PGAP1: variants seen among roughly 807,000 people sequenced by gnomAD.
The protein encoded by PGAP1 is post-GPI attachment to proteins inositol deacylase 1.
Under a neutral mutation model 127.0 loss-of-function variants are expected in PGAP1, and 76 were observed. The ratio of observed to expected loss-of-function variants is 0.60; its 90% confidence interval spans 0.50 to 0.72. The LOEUF (loss-of-function observed/expected upper bound fraction) is 0.72. PGAP1 is among the 30% of genes least tolerant of loss of function. The pLI, the probability that PGAP1 is intolerant of heterozygous loss-of-function variation, is 0.00. For synonymous variants in PGAP1, 362 were observed against 366.5 expected (o/e 0.99, Z 0.14); for missense variants, 982 against 1,071.3 (o/e 0.92, Z 1.16).
intron 20 of PGAP1, among the ~76,000 whole-genome samples, chr2:196,853,910 AT>A (rs59361073): frequency 0.1 from 13,673 of 130,394 alleles, 747 homozygotes; most frequent in African/African-American, 0.2. Context: ...CCAAAGATGA[AT>A]TTTTTTTTTT....
At position 196,885,454 on chromosome 2, in the gene PGAP1, T is replaced by C; in HGVS notation, c.1242A>G (p.Ser414=). Residue 414 remains serine (S), a synonymous_variant, in exon 12 of 27, where the codon TCA becomes TCG. Transcript: ENST00000354764. ...TTGTTGGCAGCAGTTCAGCTTTCCA[T>C]GATAAATCAACCCCTTGCAGGCTTT... The part of the protein sequence containing the change: ...TSMCLQGVDL[S]WKAELLPTIK... 1 of 1,604,198 alleles carries C rather than the reference T, an allele frequency of 6.2e-7. No individual in the cohort carries two copies. The highest frequency in any genetic ancestry group is 8.5e-7 in the Non-Finnish European group (1 of 1,174,704).
Position 196,913,184 on chromosome 2 carries a change from A to C in PGAP1, c.478-131T>G, listed in dbSNP as rs114176130. ...ACTATTTATATAACCTCCCATCATA[A>C]GGTACAGAAATACATTTTCATATAG... On this transcript the variant is annotated intron_variant, in intron 3 of 26. Coordinates refer to ENST00000354764, the MANE Select transcript of PGAP1 (RefSeq NM_024989.4). 2.8e-3 allele frequency: 2,180 copies of C among 776,328 alleles called. 30 individuals are homozygous for C. The African/African-American group carries it at 0.035, about 12-fold the overall frequency. The allele number at this position is 776,328 out of a possible 1,614,324, so 48.1% of individuals were successfully genotyped here.
chr2:196,842,668 G>A, intron 26 of PGAP1, 53 bp downstream of exon 26: 2 of 841,012 alleles, frequency 2.4e-6, no homozygotes, highest in South Asian at 2.0e-5. Context: ...AGATATAAAG[G>A]GGGAAAAAGG....
intron 25 of PGAP1, among the ~76,000 whole-genome samples, chr2:196,843,590 G>A (rs547402261): frequency 4.4e-4 from 67 of 152,092 alleles, no homozygotes; most frequent in African/African-American, 1.4e-3. Flanking sequence ...TTATATTCCC[G>A]AAGTTTATAT....
In PGAP1 at chr2:196,851,879, T is replaced by C. The variant is rs117987925; in HGVS notation, c.1862-3842A>G. On this transcript the variant is annotated intron_variant, in intron 20 of 26. Coordinates refer to ENST00000354764, the MANE Select transcript of PGAP1 (RefSeq NM_024989.4). ...GGTTTAAAGACAAATGTCTTTGTGG[T>C]TTGAGGACCCGAGTTTCTACGGAAT... Among the ~76,000 whole-genome samples the C allele has an allele frequency of 3.5e-4, 53 of 152,312 alleles. No individual in the cohort carries two copies. In the East Asian group the frequency reaches 9.8e-3, roughly 28 times the overall value.
intron 4 of PGAP1, among the ~76,000 whole-genome samples, chr2:196,904,250 T>G (rs1172399466): frequency 6.6e-6 from 1 of 152,186 alleles, no homozygotes; most frequent in Non-Finnish European, 1.5e-5. Flanking sequence ...TTACTGTGCT[T>G]CTCTTCCCAT....
chr2:196,877,546 T>TTA (rs1188126005), intron 13 of PGAP1: 1 of 152,098 alleles, frequency 6.6e-6, no homozygotes, highest in Non-Finnish European at 1.5e-5. Flanking sequence ...TTGAGAAAAA[T>TTA]GTTAGATTCA....
chr2:196,916,279 G>T, intron 3 of PGAP1, 139 bp downstream of exon 3: 1 of 597,836 alleles, frequency 1.7e-6, no homozygotes, highest in Non-Finnish European at 2.6e-6. Context: ...CAAGACAACA[G>T]ACTCTCACAA....
intron 9 of PGAP1, 53 bp downstream of exon 9, chr2:196,892,293 C>A: frequency 1.2e-6 from 1 of 824,240 alleles, no homozygotes. Flanking sequence ...AAGATAAATA[C>A]TAAATTATTT....
Position 196,893,208 on chromosome 2 carries a change from T to TA in PGAP1, c.964dup (p.Tyr322LeufsTer13). On this transcript the variant is annotated frameshift_variant, in exon 8 of 27. Coordinates refer to ENST00000354764, the MANE Select transcript of PGAP1 (RefSeq NM_024989.4). LOFTEE classifies it high-confidence loss of function. ...TGATGGGTGTCTTATAAAGTGGTGA[T>TA]ACAAAACTGACAGTTTCTTCTTGGA... is the stretch of plus-strand genomic sequence containing the variant. The TA allele has an allele frequency of 6.3e-7, 1 of 1,598,860 alleles. No homozygotes were observed.
chr2:196,850,089 G>T (rs60066656), intron 20 of PGAP1, among the ~76,000 whole-genome samples: 17,172 of 152,096 alleles, frequency 0.11, 1,250 homozygotes, highest in African/African-American at 0.21. Context: ...GAGCCACAGG[G>T]TGGCAGTGGT....
chr2:196,923,462 T>C (rs746205112), intron 1 of PGAP1, among the ~76,000 whole-genome samples: 11 of 152,302 alleles, frequency 7.2e-5, no homozygotes, highest in Admixed American at 4.6e-4. Flanking sequence ...GTACATTATA[T>C]TGTAACTATA....
intron 1 of PGAP1, chr2:196,922,546 A>G (rs1703230005): frequency 2.0e-6 from 2 of 976,384 alleles, no homozygotes; most frequent in Non-Finnish European, 2.4e-6. Flanking sequence ...TCTATAATCC[A>G]TAGTTCATAC....
intron 22 of PGAP1, among the ~76,000 whole-genome samples, chr2:196,846,687 T>C (rs1398904786): frequency 1.3e-5 from 2 of 152,210 alleles, no homozygotes; most frequent in South Asian, 2.1e-4. Context: ...GAAGTCAGCA[T>C]ATAAAAGCAA....
chr2:196,842,418 A>G (rs1700440395), intron 26 of PGAP1, among the ~76,000 whole-genome samples: 1 of 152,160 alleles, frequency 6.6e-6, no homozygotes, highest in African/African-American at 2.4e-5. Flanking sequence ...AAAATTATCA[A>G]ATCATGGCCA....
chr2:196,872,963 G>T lies in PGAP1; in HGVS notation c.1616C>A (p.Ala539Glu). ...PWSYEDSLTI[A>E]QAPSSTEISL... Reference sequence around the variant, plus strand: ...GTAAATTCTTTCAAATACTTACTGTGCAATGGTTAGTGAATCTTCATAAGA... The same window carrying T: ...GTAAATTCTTTCAAATACTTACTGTTCAATGGTTAGTGAATCTTCATAAGA... Residue 539 changes from alanine (A) to glutamate (E), a missense_variant, in exon 17 of 27, where the codon GCA (alanine) becomes GAA (glutamate). Coordinates refer to ENST00000354764, the MANE Select transcript of PGAP1 (RefSeq NM_024989.4). 2 of 1,002,782 alleles carry T rather than the reference G, an allele frequency of 2.0e-6. No individual in the cohort carries two copies. The highest frequency in any genetic ancestry group is 3.0e-6 in the Non-Finnish European group (2 of 660,284). 62.1% of individuals were successfully genotyped at this position (1,002,782 alleles called of 1,614,324 possible). A position where few individuals can be genotyped will look rare whatever the true frequency, so the allele number is the denominator to read the frequency against.
At chr2:196,900,875 G>A (rs752381133) in intron 5 of PGAP1, among the ~76,000 whole-genome samples, 9 of 151,926 alleles carry the variant, frequency 5.9e-5, no homozygotes, top group South Asian at 2.1e-4. Context: ...TGCAGTGAGC[G>A]GAGATCGCGC....
At chr2:196,888,870 T>C (rs1702003841) in intron 10 of PGAP1, among the ~76,000 whole-genome samples, 1 of 152,134 alleles carries the variant, frequency 6.6e-6, no homozygotes, top group Admixed American at 6.6e-5. Flanking sequence ...ACTAATAAAA[T>C]GCCCAGAATT....
rs1700507138 is a variant in PGAP1, at chr2:196,844,587, A to G, written c.2287-13T>C. The G allele has an allele frequency of 1.3e-6, 2 of 1,573,640 alleles. No homozygotes were observed. The highest frequency in any genetic ancestry group is 1.2e-5 in the South Asian group (1 of 83,880). On this transcript the variant is annotated splice_polypyrimidine_tract_variant and intron_variant, in intron 23 of 26. Transcript: ENST00000354764. ...GCAGATGAACAACCTAAGAAAAATA[A>G]ATTGCTCTTTAATTTTACTTTTATT...
Sources: gnomAD v4.1 joint callset for allele counts (sites outside exome capture counted in the v4.1 genomes callset) on GRCh38, gnomAD v4.1.1 for gene constraint, MANE v1.5 for transcripts, NCBI Gene and HGNC (gene_info 2026-07-23, HGNC 2026-07-21) for gene names.